Variants in UBR3 observed in about 807,000 individuals in gnomAD.
UBR3 encodes ubiquitin protein ligase E3 component n-recognin 3.
UBR3 carries 85 observed loss-of-function variants against 243.2 expected under a neutral mutation model. The ratio of observed to expected loss-of-function variants is 0.35; its 90% CI spans 0.29 to 0.42. The LOEUF is 0.42. Ranked by LOEUF, UBR3 falls within the 10% of genes least tolerant of loss-of-function variation. UBR3 has a pLI of 1.00. For missense variants in UBR3, 1,686 were observed against 2,300.8 expected, an observed-to-expected ratio of 0.73 and a Z score of 5.47; for synonymous variants, 748 against 799.8, an observed-to-expected ratio of 0.94 and a Z score of 1.09.
At chr2:169,911,552 G>C (rs2085254675) in intron 10 of UBR3, among the ~76,000 whole-genome samples, 1 of 152,212 alleles carries the variant, frequency 6.6e-6, no homozygotes, top group East Asian at 1.9e-4. Context: ...GGGTTGAGGG[G>C]TGGTAGTAGT....
chr2:169,912,312 T>C (rs533760917), intron 10 of UBR3, among the ~76,000 whole-genome samples: 6 of 152,332 alleles, frequency 3.9e-5, no homozygotes, highest in South Asian at 2.1e-4. Context: ...ACTACCACTA[T>C]CTAATTCCAG....
chr2:170,002,344 A>G (rs954508063), intron 27 of UBR3, among the ~76,000 whole-genome samples: 2 of 152,176 alleles, frequency 1.3e-5, no homozygotes, highest in Non-Finnish European at 2.9e-5. Context: ...TGGGCTATAA[A>G]TACTGCCTAT....
At chr2:169,877,661 A>T in intron 4 of UBR3, 24 bp downstream of exon 4, 1 of 1,524,678 alleles carries the variant, frequency 6.6e-7, no homozygotes, top group Non-Finnish European at 8.8e-7. Flanking sequence ...TTTAATTTGA[A>T]CAGTTGTAAC....
chr2:170,060,967 T>G, intron 33 of UBR3, 112 bp from the exon 34 acceptor site: 3 of 720,928 alleles, frequency 4.2e-6, no homozygotes, highest in Non-Finnish European at 6.3e-6. Flanking sequence ...GAAGCTCATA[T>G]GCTTGAAAAA....
chr2:169,935,870 G>C (rs1334941076), intron 19 of UBR3, among the ~76,000 whole-genome samples: 1 of 151,908 alleles, frequency 6.6e-6, no homozygotes, highest in Non-Finnish European at 1.5e-5. Context: ...TATTAATCTA[G>C]GTGCCACATA....
chr2:169,913,090 A>T (rs535903351), intron 10 of UBR3, among the ~76,000 whole-genome samples: 5 of 152,144 alleles, frequency 3.3e-5, no homozygotes, highest in African/African-American at 4.8e-5. Context: ...GCTGCAAACA[A>T]TTTTTCCAAG....
intron 24 of UBR3, among the ~76,000 whole-genome samples, chr2:169,973,124 GACAA>G (rs1277051252): frequency 4.8e-5 from 5 of 104,662 alleles, no homozygotes; most frequent in Non-Finnish European, 9.7e-5. Flanking sequence ...ACCAACAACA[GACAA>G]ACAGAGAGCC....
rs761842902 is a variant in UBR3 at position 169,986,640 on chromosome 2, C to T, written c.3635-5C>T. The T allele has an allele frequency of 4.4e-6, 7 of 1,599,424 alleles. No homozygotes were observed. The highest frequency in any genetic ancestry group is 6.0e-6 in the Non-Finnish European group (7 of 1,174,374). The stretch of plus-strand genomic sequence containing the variant: ...AATTAAAGAGATGTAACTTTTTTCC[C>T]TCAGATTCTCCTGAGAATGATATTC... On this transcript the variant is annotated splice_region_variant and splice_polypyrimidine_tract_variant and intron_variant, in intron 24 of 38. Transcript: ENST00000272793.
chr2:170,077,384 T>C (rs2091831893), intron 36 of UBR3: 4 of 1,099,850 alleles, frequency 3.6e-6, no homozygotes, highest in Non-Finnish European at 4.1e-6. Context: ...GTTATATACA[T>C]TGGGAATGAG....
rs567054833 is a variant in UBR3, at chr2:169,940,427, A to C, written c.2664-2066A>C. On this transcript the variant is annotated intron_variant, in intron 19 of 38. Transcript: ENST00000272793. ...GTCTGGAGTTTTGAGTTATATTTTTAAGTTGGTTTCTAGTTTTATTTGCTA... is the reference window on the plus strand; with the variant it reads ...GTCTGGAGTTTTGAGTTATATTTTTCAGTTGGTTTCTAGTTTTATTTGCTA... Among the ~76,000 whole-genome samples the C allele has an allele frequency of 4.6e-4, 70 of 152,252 alleles. No individual in the cohort carries two copies. The South Asian group carries it at 4.8e-3, about 10-fold the overall frequency.
At position 169,958,448 on chromosome 2, in the gene UBR3, G is replaced by C. The variant is rs2087413682; in HGVS notation, c.3556G>C (p.Ala1186Pro). 2 of 1,613,028 alleles carry C rather than the reference G, an allele frequency of 1.2e-6. No individual in the cohort carries two copies. Among genetic ancestry groups the C allele is most frequent in the Non-Finnish European group, 1.7e-6 (2 of 1,179,306 alleles). Reference sequence around the variant, plus strand: ...TTCTGTTTAATCTAGGCGACAGAAGGCTAGAGAGAGGCAGCAGAAATTGCT... The same window carrying C: ...TTCTGTTTAATCTAGGCGACAGAAGCCTAGAGAGAGGCAGCAGAAATTGCT... ...TLDKEERRQK[A>P]RERQQKLLAE... Residue 1186 changes from alanine (A) to proline (P), a missense_variant, in exon 24 of 39, where the codon GCT becomes CCT. Coordinates refer to ENST00000272793, the MANE Select transcript of UBR3 (RefSeq NM_172070.4).
At chr2:169,960,236 C>CAAAAAAAAAAA (rs11461641) in intron 24 of UBR3, among the ~76,000 whole-genome samples, 1 of 64,012 alleles carries the variant, frequency 1.6e-5, no homozygotes. Context: ...GTGACAAGAG[C>CAAAAAAAAAAA]AAAAAAAAAA....
intron 1 of UBR3, among the ~76,000 whole-genome samples, chr2:169,844,631 C>T (rs1280328845): frequency 6.6e-6 from 1 of 151,694 alleles, no homozygotes; most frequent in African/African-American, 2.4e-5. Flanking sequence ...GTAGCTGGAA[C>T]TACAGGTGTG....
chr2:170,028,546 A>G, intron 30 of UBR3, among the ~76,000 whole-genome samples: 1 of 151,738 alleles, frequency 6.6e-6, no homozygotes, highest in East Asian at 1.9e-4. Context: ...GTGTGGCAGA[A>G]TAATTTAATT....
intron 11 of UBR3, among the ~76,000 whole-genome samples, chr2:169,915,590 A>G (rs2085432583): frequency 6.6e-6 from 1 of 152,060 alleles, no homozygotes; most frequent in South Asian, 2.1e-4. Context: ...TCATGATTAG[A>G]TTCAGATTAT....
chr2:170,034,270 C>T (rs1011258865), intron 31 of UBR3, among the ~76,000 whole-genome samples: 1 of 151,794 alleles, frequency 6.6e-6, no homozygotes, highest in Admixed American at 6.6e-5. Context: ...TGACATTTGG[C>T]CACCGTTGTA....
chr2:169,957,212 T>C (rs2087340854), intron 23 of UBR3, among the ~76,000 whole-genome samples: 1 of 152,182 alleles, frequency 6.6e-6, no homozygotes, highest in African/African-American at 2.4e-5. Flanking sequence ...ACCTGTCTCC[T>C]TTCTTTATTA....
At position 169,946,357 on chromosome 2, in the gene UBR3, C is replaced by G. The variant is rs1358096604; in HGVS notation, c.2875C>G (p.Leu959Val). ...CMVLYLIELG[L>V]ENSAEEESDE... is the part of the protein sequence containing the mutation. Reference sequence around the variant, plus strand: ...GGTTTTATATCTGATTGAATTAGGACTTGAAAATTCTGCTGAAGAAGAATC... The same window carrying G: ...GGTTTTATATCTGATTGAATTAGGAGTTGAAAATTCTGCTGAAGAAGAATC... Residue 959 changes from leucine to valine, a missense_variant, in exon 21 of 39, where the codon CTT (leucine) becomes GTT (valine). By Grantham distance (32) the Leu-to-Val change is conservative. This residue lies in a region of UBR3 where 300 missense variants were observed against 314.4 expected (regional missense o/e 0.95). Transcript: ENST00000272793. 8.6e-6 allele frequency: 13 copies of G among 1,503,236 alleles called. No homozygotes were observed. Among genetic ancestry groups the G allele is most frequent in the Non-Finnish European group, 1.2e-5 (13 of 1,121,336 alleles). 93.1% of individuals were successfully genotyped at this position (1,503,236 alleles called of 1,614,324 possible).
chr2:170,039,591 T>A (rs2090915004), intron 31 of UBR3, among the ~76,000 whole-genome samples: 1 of 152,148 alleles, frequency 6.6e-6, no homozygotes. Context: ...TACTCAGCAG[T>A]GTGTTTAGTG....
Sources: allele counts gnomAD v4.1 joint callset (sites outside exome capture counted in the v4.1 genomes callset), GRCh38; gene constraint gnomAD v4.1.1; regional missense constraint gnomAD v4.1.1; transcripts MANE v1.5; gene names NCBI Gene and HGNC (gene_info 2026-07-23, HGNC 2026-07-21).